LRRC36: variants seen among roughly 807,000 people sequenced by gnomAD.
LRRC36 encodes leucine-rich repeat-containing protein 36.
LRRC36 carries 62 observed loss-of-function variants against 81.1 expected under a neutral mutation model. The ratio of observed to expected loss-of-function variants is 0.76; its 90% CI spans 0.62 to 0.94. The LOEUF (loss-of-function observed/expected upper bound fraction) is 0.94, where lower values mean the gene tolerates loss of function less well. LRRC36 is among the 40% of genes least tolerant of loss of function. The pLI is 0.00. For missense variants in LRRC36, 761 were observed against 881.7 expected (o/e 0.86, Z 1.73); for synonymous variants, 334 against 348.6 (o/e 0.96, Z 0.47).
At chr16:67,382,629 G>T (rs2040154795) in intron 13 of LRRC36, among the ~76,000 whole-genome samples, 1 of 152,168 alleles carries the variant, frequency 6.6e-6, no homozygotes, top group Non-Finnish European at 1.5e-5. Flanking sequence ...GGCAGGGAGT[G>T]ATAAAGAACT....
In LRRC36 at chr16:67,370,994, G is replaced by A. The variant is rs761329204; in HGVS notation, c.1246G>A (p.Val416Ile). 7 of 1,614,056 alleles carry A rather than the reference G, an allele frequency of 4.3e-6. No individual in the cohort carries two copies. The African/African-American group carries it at 9.3e-5, about 22-fold the overall frequency. The change falls in exon 9 of 14, where the codon GTA becomes ATA. Residue 416 changes from valine (V) to isoleucine (I), a missense_variant. Around this residue, in one of 3 missense-constraint regions of LRRC36, gnomAD observed 139 missense variants for 214.0 expected, o/e 0.65. Coordinates refer to ENST00000329956, the MANE Select transcript of LRRC36 (RefSeq NM_018296.6). Reference sequence around the variant, plus strand: ...CAGTGACCCTGCTGTACTTGTCAATGTAGAGCAACAATTATCTACCAGCCT... The same window carrying A: ...CAGTGACCCTGCTGTACTTGTCAATATAGAGCAACAATTATCTACCAGCCT... Reference protein sequence around the residue: ...FNSDPAVLVNVEQQLSTSLDD... With the variant: ...FNSDPAVLVNIEQQLSTSLDD...
chr16:67,340,757 A>G (rs1462121375), intron 1 of LRRC36, among the ~76,000 whole-genome samples: 2 of 149,074 alleles, frequency 1.3e-5, no homozygotes, highest in East Asian at 3.9e-4. Flanking sequence ...CATATACTCT[A>G]TAGAATATAT....
chr16:67,373,756 T>C (rs1482456607), intron 9 of LRRC36, among the ~76,000 whole-genome samples: 1 of 145,570 alleles, frequency 6.9e-6, no homozygotes, highest in Non-Finnish European at 1.5e-5. Flanking sequence ...CTCATGCCTG[T>C]AATCCCAGCA....
intron 5 of LRRC36, among the ~76,000 whole-genome samples, chr16:67,351,552 C>T (rs1039399749): frequency 6.6e-6 from 1 of 152,098 alleles, no homozygotes; most frequent in African/African-American, 2.4e-5. Context: ...ACTAAAAATA[C>T]AAAAATTAGC....
intron 5 of LRRC36, among the ~76,000 whole-genome samples, chr16:67,361,945 A>G (rs1222684029): frequency 1.3e-5 from 2 of 151,988 alleles, no homozygotes; most frequent in East Asian, 1.9e-4. Flanking sequence ...TATAAAACAA[A>G]TCTTACCAGG....
intron 5 of LRRC36, among the ~76,000 whole-genome samples, chr16:67,358,290 C>T (rs918704342): frequency 3.3e-5 from 5 of 151,582 alleles, no homozygotes; most frequent in Non-Finnish European, 5.9e-5. Flanking sequence ...AGACAACCCA[C>T]AGAATAGGAG....
chr16:67,347,451 T>C (rs1472732788), intron 3 of LRRC36, 44 bp from the exon 4 acceptor site: 2 of 1,609,474 alleles, frequency 1.2e-6, no homozygotes, highest in Non-Finnish European at 1.7e-6. Context: ...GTTATGTCTA[T>C]GCCAAAAAAA....
chr16:67,339,576 A>G (rs1480381846), intron 1 of LRRC36, among the ~76,000 whole-genome samples: 1 of 152,156 alleles, frequency 6.6e-6, no homozygotes, highest in African/African-American at 2.4e-5. Context: ...AGTGCAGTTA[A>G]GTTTTCTTAC....
chr16:67,368,124 A>G (rs928645052), intron 8 of LRRC36, among the ~76,000 whole-genome samples: 38 of 152,210 alleles, frequency 2.5e-4, no homozygotes, highest in Admixed American at 2.2e-3. Flanking sequence ...TATTTATTCA[A>G]CCAAACTCAT....
At position 67,363,626 on chromosome 16, in the gene LRRC36, G is replaced by A. The variant is rs755803342; in HGVS notation, c.614G>A (p.Arg205Gln). The change falls in exon 6 of 14, where the codon CGG (arginine) becomes CAG (glutamine). Residue 205 changes from arginine (R) to glutamine (Q), a missense_variant. By Grantham distance (43) the Arg-to-Gln change is conservative (BLOSUM62 1). Around this residue, in one of 3 missense-constraint regions of LRRC36, gnomAD observed 263 missense variants for 279.3 expected, o/e 0.94. Transcript: ENST00000329956. ...NKGLFIPFPN[R>Q]EIKDSLSTSA... is the part of the protein sequence containing the mutation. ...GGACTTTTTATTCCCTTCCCCAACC[G>A]GGAAATAAAGGATTCCCTAAGTACT... The A allele has an allele frequency of 9.3e-6, 15 of 1,613,694 alleles. No individual in the cohort carries two copies. The highest frequency in any genetic ancestry group is 2.2e-5 in the East Asian group (1 of 44,876).
intron 2 of LRRC36, among the ~76,000 whole-genome samples, chr16:67,345,687 ATTGTT>A (rs1303873513): frequency 6.6e-6 from 1 of 152,032 alleles, no homozygotes; most frequent in African/African-American, 2.4e-5. Context: ...TGGAGATAGC[ATTGTT>A]TTGTTTCCCT....
At chr16:67,379,832 G>A (rs534281311) in intron 12 of LRRC36, among the ~76,000 whole-genome samples, 3 of 152,170 alleles carry the variant, frequency 2.0e-5, no homozygotes, top group Non-Finnish European at 4.4e-5. Context: ...TCATACCTTC[G>A]TGTAGTCAGT....
rs1183408427 is a variant in LRRC36, at chr16:67,341,087, C to A, written c.71-870C>A. Among the ~76,000 whole-genome samples, 640 of 107,836 alleles carry A rather than the reference C, an allele frequency of 5.9e-3. 109 individuals are homozygous for A. The highest frequency in any genetic ancestry group is 0.025 in the African/African-American group (609 of 23,924). 70.7% of individuals were successfully genotyped at this position (107,836 alleles called of 152,430 possible). On this transcript the variant is annotated intron_variant, in intron 1 of 13. Coordinates refer to ENST00000329956, the MANE Select transcript of LRRC36 (RefSeq NM_018296.6). ...CTATAGAATATGTACTCTACATATTCTATAGAATATGTACTCTACATATTC... is the reference window on the plus strand; with the variant it reads ...CTATAGAATATGTACTCTACATATTATATAGAATATGTACTCTACATATTC...
chr16:67,384,542 A>G (rs1401505408), intron 13 of LRRC36, among the ~76,000 whole-genome samples: 5 of 152,226 alleles, frequency 3.3e-5, no homozygotes, highest in Non-Finnish European at 7.3e-5. Flanking sequence ...GATTTGGGGT[A>G]GAAATTGGAG....
At chr16:67,350,373 C>A in intron 5 of LRRC36, 83 bp downstream of exon 5, 1 of 1,134,570 alleles carries the variant, frequency 8.8e-7, no homozygotes. Flanking sequence ...AAGATGAAGA[C>A]ACATAGTTGA....
chr16:67,327,537 A>AT (rs1378681467), intron 1 of LRRC36, among the ~76,000 whole-genome samples: 3 of 152,132 alleles, frequency 2.0e-5, no homozygotes, highest in Non-Finnish European at 4.4e-5. Context: ...TAAAATGTCT[A>AT]TTAGACATCC....
At chr16:67,361,307 C>T (rs1297964310) in intron 5 of LRRC36, among the ~76,000 whole-genome samples, 3 of 151,736 alleles carry the variant, frequency 2.0e-5, no homozygotes, top group Admixed American at 6.6e-5. Flanking sequence ...GTTGGGATTA[C>T]AGACACGAGC....
chr16:67,335,222 C>T (rs1007891669), intron 1 of LRRC36, among the ~76,000 whole-genome samples: 1 of 152,160 alleles, frequency 6.6e-6, no homozygotes, highest in Non-Finnish European at 1.5e-5. Flanking sequence ...ACAGCTGTGA[C>T]CATAAAAGAC....
rs1419658272 is a variant in LRRC36 at position 67,371,031 on chromosome 16, C to T, written c.1283C>T (p.Thr428Ile). 2 of 1,614,124 alleles carry T rather than the reference C, an allele frequency of 1.2e-6. No individual in the cohort carries two copies. ...TTATCTACCAGCCTGGATGATTTAACACCAGCACATGGTTCTGTCCCAAAC... is the reference window on the plus strand; with the variant it reads ...TTATCTACCAGCCTGGATGATTTAATACCAGCACATGGTTCTGTCCCAAAC... ...QQLSTSLDDL[T>I]PAHGSVPNNA... Residue 428 changes from threonine to isoleucine, a missense_variant, in exon 9 of 14, where the codon ACA becomes ATA. Coordinates refer to ENST00000329956, the MANE Select transcript of LRRC36 (RefSeq NM_018296.6).
Sources: allele counts gnomAD v4.1 joint callset (sites outside exome capture counted in the v4.1 genomes callset), GRCh38; gene constraint gnomAD v4.1.1; regional missense constraint gnomAD v4.1.1; transcripts MANE v1.5; gene names NCBI Gene and HGNC (gene_info 2026-07-23, HGNC 2026-07-21).